The following PPP1R21 variants were observed in gnomAD, a reference collection of about 807,000 sequenced individuals.
The protein encoded by PPP1R21 is protein phosphatase 1 regulatory subunit 21.
PPP1R21 carries 85 observed loss-of-function variants against 112.8 expected under a neutral mutation model. That is an observed-to-expected ratio of 0.75 (90% CI 0.63 to 0.90). The LOEUF (loss-of-function observed/expected upper bound fraction) is 0.90. Among genes scored for constraint, PPP1R21 ranks in the 40% least tolerant of loss-of-function variants. The pLI is 0.00. For missense variants in PPP1R21, 1,199 were observed against 901.5 expected (o/e 1.33, Z -4.23); for synonymous variants, 381 against 322.3 (o/e 1.18, Z -1.95).
At chr2:48,460,657 G>A (rs572696682) in intron 6 of PPP1R21, among the ~76,000 whole-genome samples, 2 of 152,040 alleles carry the variant, frequency 1.3e-5, no homozygotes, top group African/African-American at 4.8e-5. Flanking sequence ...TTCTCATATC[G>A]ATTTTGTTGC....
chr2:48,514,936 A>G lies in PPP1R21; in HGVS notation c.*192A>G. 1 of 561,594 alleles carries G rather than the reference A, an allele frequency of 1.8e-6. No individual in the cohort carries two copies. The highest frequency in any genetic ancestry group is 2.7e-5 in the South Asian group (1 of 37,582). 34.8% of individuals were successfully genotyped at this position (561,594 alleles called of 1,614,324 possible). A position where few individuals can be genotyped will look rare whatever the true frequency, so the allele number is the denominator to read the frequency against. On this transcript the variant is annotated 3_prime_UTR_variant, in exon 22 of 22. Transcript: ENST00000294952. The stretch of plus-strand genomic sequence containing the variant: ...TTGTAACCAGTGAGGCAAATACAGA[A>G]GTTGATGTCGGCAGTAAATGGAAAA...
intron 9 of PPP1R21, among the ~76,000 whole-genome samples, chr2:48,470,510 ACT>A (rs1404877156): frequency 2.1e-5 from 3 of 143,844 alleles, no homozygotes; most frequent in East Asian, 2.0e-4. Flanking sequence ...ACAGAGTGAA[ACT>A]CTGTCTCAAA....
chr2:48,500,066 C>G (rs1464241228), intron 17 of PPP1R21, among the ~76,000 whole-genome samples: 2 of 152,082 alleles, frequency 1.3e-5, no homozygotes, highest in African/African-American at 2.4e-5. Flanking sequence ...TATTGAAGAG[C>G]AAGTCATGGT....
chr2:48,469,519 T>TAGAGC (rs1337114693), intron 9 of PPP1R21, among the ~76,000 whole-genome samples: 2 of 92,526 alleles, frequency 2.2e-5, no homozygotes, highest in Non-Finnish European at 4.5e-5. Flanking sequence ...CATATATATA[T>TAGAGC]ATATATATAT....
intron 21 of PPP1R21, among the ~76,000 whole-genome samples, chr2:48,513,673 T>G (rs1356929030): frequency 1.3e-5 from 2 of 152,220 alleles, no homozygotes; most frequent in Admixed American, 1.3e-4. Flanking sequence ...TAGCATCATC[T>G]TATGGCTGAC....
intron 3 of PPP1R21, 98 bp downstream of exon 3, chr2:48,454,839 T>G (rs1304830490): frequency 3.2e-6 from 3 of 933,832 alleles, no homozygotes; most frequent in Non-Finnish European, 5.1e-6. Flanking sequence ...TGCCGAATTA[T>G]TTTTTTCTTT....
chr2:48,512,902 A>G (rs1430178856), intron 21 of PPP1R21, among the ~76,000 whole-genome samples: 2 of 152,208 alleles, frequency 1.3e-5, no homozygotes, highest in African/African-American at 4.8e-5. Context: ...CAGCAGAGCA[A>G]TATCTAATTC....
intron 17 of PPP1R21, among the ~76,000 whole-genome samples, chr2:48,504,081 T>A (rs1670260162): frequency 6.6e-6 from 1 of 152,180 alleles, no homozygotes; most frequent in Admixed American, 6.5e-5. Context: ...AATAGATGTT[T>A]CCTCGCAGTT....
At chr2:48,479,874 G>T (rs759703503) in intron 12 of PPP1R21, 50 bp from the exon 13 acceptor site, 1 of 1,079,754 alleles carries the variant, frequency 9.3e-7, no homozygotes, top group Non-Finnish European at 1.4e-6. Context: ...GATACAATGG[G>T]CAGTCCATTT....
At chr2:48,469,519 TATA>T (rs1668405652) in intron 9 of PPP1R21, among the ~76,000 whole-genome samples, 3 of 92,526 alleles carry the variant, frequency 3.2e-5, no homozygotes, top group Non-Finnish European at 6.7e-5. Context: ...CATATATATA[TATA>T]TATATATATA....
At chr2:48,483,219 T>TG in intron 13 of PPP1R21, among the ~76,000 whole-genome samples, 1 of 144,314 alleles carries the variant, frequency 6.9e-6, no homozygotes, top group South Asian at 2.3e-4. Context: ...TTTTTTTTTT[T>TG]GAGACAAGTC....
intron 7 of PPP1R21, among the ~76,000 whole-genome samples, chr2:48,463,217 G>T (rs535965159): frequency 6.6e-6 from 1 of 152,342 alleles, no homozygotes; most frequent in South Asian, 2.1e-4. Context: ...AGTCAGGCCT[G>T]TGCAGGGTCC....
At chr2:48,493,860 T>C (rs1669680528) in intron 15 of PPP1R21, among the ~76,000 whole-genome samples, 1 of 151,920 alleles carries the variant, frequency 6.6e-6, no homozygotes, top group Non-Finnish European at 1.5e-5. Context: ...ATGGTTTTAG[T>C]TAGTGTAGCT....
intron 2 of PPP1R21, among the ~76,000 whole-genome samples, chr2:48,451,349 G>A (rs1423605336): frequency 6.6e-6 from 1 of 152,150 alleles, no homozygotes; most frequent in Non-Finnish European, 1.5e-5. Context: ...TACTTAGCTC[G>A]GTTTATCTGG....
chr2:48,478,929 ATC>A (rs748512172), intron 12 of PPP1R21, among the ~76,000 whole-genome samples: 24 of 152,168 alleles, frequency 1.6e-4, no homozygotes, highest in Non-Finnish European at 1.8e-4. Flanking sequence ...CCTGGGCTAA[ATC>A]TCTATGGGCT....
intron 17 of PPP1R21, among the ~76,000 whole-genome samples, chr2:48,504,738 C>T (rs574175810): frequency 1.3e-5 from 2 of 152,284 alleles, no homozygotes; most frequent in South Asian, 4.1e-4. Flanking sequence ...TGTCATTGTG[C>T]CCAAGCACAT....
intron 2 of PPP1R21, among the ~76,000 whole-genome samples, chr2:48,453,447 C>T (rs1667572797): frequency 6.6e-6 from 1 of 152,186 alleles, no homozygotes; most frequent in African/African-American, 2.4e-5. Context: ...CCTGTCTCGG[C>T]TTCCCAAAGT....
chr2:48,497,859 G>T (rs1372123518), intron 16 of PPP1R21, among the ~76,000 whole-genome samples: 1 of 151,908 alleles, frequency 6.6e-6, no homozygotes, highest in African/African-American at 2.4e-5. Context: ...CACTGTGTTA[G>T]CCAGGATGGT....
intron 17 of PPP1R21, among the ~76,000 whole-genome samples, chr2:48,504,904 G>C (rs1670305198): frequency 6.6e-6 from 1 of 152,102 alleles, no homozygotes. Context: ...TGGAGACGGA[G>C]GATCTCTTGA....
Sources: allele counts gnomAD v4.1 joint callset (sites outside exome capture counted in the v4.1 genomes callset), GRCh38; gene constraint gnomAD v4.1.1; transcripts MANE v1.5; gene names NCBI Gene and HGNC (gene_info 2026-07-23, HGNC 2026-07-21).